The following GTF2H3 variants were observed in gnomAD, a reference collection of about 807,000 sequenced individuals.
The protein encoded by GTF2H3 is general transcription factor IIH subunit 3.
In GTF2H3, 42 loss-of-function variants were observed where a neutral mutation model predicts 51.1. The ratio of observed to expected loss-of-function variants is 0.82; its 90% confidence interval spans 0.64 to 1.06. The LOEUF is 1.06. GTF2H3 is among the 50% of genes least tolerant of loss of function. The pLI, the probability that GTF2H3 is intolerant of heterozygous loss-of-function variation, is 0.00. For synonymous variants in GTF2H3, 123 were observed against 123.8 expected, an observed-to-expected ratio of 0.99 and a Z score of 0.04; for missense variants, 326 against 366.1, an observed-to-expected ratio of 0.89 and a Z score of 0.89.
At chr12:123,639,225 G>A (rs776890344) in intron 1 of GTF2H3, 39 bp from the exon 2 acceptor site, 2 of 956,184 alleles carry the variant, frequency 2.1e-6, no homozygotes, top group South Asian at 2.7e-5. Flanking sequence ...TTTTTATGGA[G>A]CTAATGTTTT....
At chr12:123,643,676 T>G (rs1457034326) in intron 2 of GTF2H3, among the ~76,000 whole-genome samples, 1 of 152,210 alleles carries the variant, frequency 6.6e-6, no homozygotes, top group Non-Finnish European at 1.5e-5. Context: ...TGGACAGTCT[T>G]TTATATTAAA....
At chr12:123,635,067 A>C (rs1342898457) in intron 1 of GTF2H3, among the ~76,000 whole-genome samples, 1 of 152,168 alleles carries the variant, frequency 6.6e-6, no homozygotes, top group Non-Finnish European at 1.5e-5. Flanking sequence ...CAACCCTGTG[A>C]GGGAGGCAGG....
intron 2 of GTF2H3, among the ~76,000 whole-genome samples, chr12:123,639,788 G>T: frequency 6.6e-6 from 1 of 152,192 alleles, no homozygotes; most frequent in Non-Finnish European, 1.5e-5. Flanking sequence ...AGTTCTTTCA[G>T]TGGTGACATT....
chr12:123,641,676 T>C (rs1955376712), intron 2 of GTF2H3, among the ~76,000 whole-genome samples: 2 of 152,096 alleles, frequency 1.3e-5, no homozygotes, highest in African/African-American at 4.8e-5. Flanking sequence ...TTAATATAAT[T>C]ATTAGTGTGG....
intron 1 of GTF2H3, among the ~76,000 whole-genome samples, chr12:123,635,978 A>G: frequency 6.6e-6 from 1 of 152,230 alleles, no homozygotes. Flanking sequence ...AGCAGGCCAT[A>G]TGTGACTTAG....
chr12:123,653,799 C>G (rs10846537), intron 7 of GTF2H3, among the ~76,000 whole-genome samples: 1 of 151,814 alleles, frequency 6.6e-6, no homozygotes, highest in South Asian at 2.1e-4. Flanking sequence ...TGGTAAAAAT[C>G]TTTTCTGGGG....
At chr12:123,648,283 G>T in intron 4 of GTF2H3, 157 bp downstream of exon 4, 2 of 538,660 alleles carry the variant, frequency 3.7e-6, no homozygotes, top group South Asian at 5.4e-5. Flanking sequence ...TATTTGCCTA[G>T]CCTCTACAGC....
rs377473603 is a variant in GTF2H3 at position 123,635,111 on chromosome 12, G to A, written c.13+1239G>A. ...TGCTCCTGTCTACAAATGAGGTAGC[G>A]AACTAAAGAAGGAAATTCACAGGGT... On this transcript the variant is annotated intron_variant, in intron 1 of 12. Transcript: ENST00000543341. Among the ~76,000 whole-genome samples, 9 of 152,264 alleles carry A rather than the reference G, an allele frequency of 5.9e-5. No individual in the cohort carries two copies. In the South Asian group the frequency reaches 1.0e-3, roughly 18 times the overall value.
In GTF2H3 at chr12:123,652,538, A is replaced by G. The variant is rs1955531669; in HGVS notation, c.434A>G (p.His145Arg). ...GSLAKALCYI[H>R]RMNKEVKDNQ... Reference sequence around the variant, plus strand: ...TTAATGTTAAGAAATTAAGACATTCATAGAATGAACAAGGAAGTTAAAGGT... The same window carrying G: ...TTAATGTTAAGAAATTAAGACATTCGTAGAATGAACAAGGAAGTTAAAGGT... Residue 145 changes from histidine (H) to arginine (R), a missense_variant, in exon 6 of 13, where the codon CAT becomes CGT. By Grantham distance (29) the His-to-Arg change is conservative. Coordinates refer to ENST00000543341, the MANE Select transcript of GTF2H3 (RefSeq NM_001516.5). 1.4e-6 allele frequency: 2 copies of G among 1,448,104 alleles called. No individual in the cohort carries two copies. The highest frequency in any genetic ancestry group is 1.3e-5 in the South Asian group (1 of 78,734). The allele number at this position is 1,448,104 out of a possible 1,614,324, so 89.7% of individuals were successfully genotyped here. A position where few individuals can be genotyped will look rare whatever the true frequency, so the allele number is the denominator to read the frequency against.
intron 7 of GTF2H3, among the ~76,000 whole-genome samples, chr12:123,653,043 C>T (rs544947792): frequency 1.3e-4 from 20 of 150,952 alleles, no homozygotes; most frequent in South Asian, 2.1e-4. Flanking sequence ...TGCAGTGAGC[C>T]GAGATCACAC....
At chr12:123,650,313 A>G (rs1955503802) in intron 4 of GTF2H3, 2 of 152,164 alleles carry the variant, frequency 1.3e-5, no homozygotes, top group Admixed American at 6.6e-5. Context: ...TCGAGGAAAG[A>G]GCTTCTCCAG....
At chr12:123,659,684 G>A in intron 10 of GTF2H3, 100 bp downstream of exon 10, 2 of 1,463,330 alleles carry the variant, frequency 1.4e-6, no homozygotes, top group Non-Finnish European at 1.9e-6. Flanking sequence ...TAGTACTCAG[G>A]AGAAGGGAAT....
At chr12:123,652,683 T>C in intron 6 of GTF2H3, 24 bp from the exon 7 acceptor site, 1 of 1,532,958 alleles carries the variant, frequency 6.5e-7, no homozygotes, top group Non-Finnish European at 8.9e-7. Flanking sequence ...AGTTAAATTT[T>C]TTTCTGCTTT....
rs11572978 is a variant in GTF2H3, at chr12:123,654,550, G to GGT, written c.487-363_487-362dup. 8.7e-3 allele frequency among the ~76,000 whole-genome samples: 1,308 copies of GGT among 149,926 alleles called. 26 individuals are homozygous for GGT. Among genetic ancestry groups the GGT allele is most frequent in the African/African-American group, 0.029 (1,185 of 40,768 alleles). ...GTATTTTGGAGTGTGTGTATTTTTG[G>GGT]GTGTGTGTGTGTATTTTGGGGGTGC... is the stretch of plus-strand genomic sequence containing the variant. On this transcript the variant is annotated intron_variant, in intron 7 of 12. Coordinates refer to ENST00000543341, the MANE Select transcript of GTF2H3 (RefSeq NM_001516.5).
rs1204472335 is a variant in GTF2H3, at chr12:123,659,934, AGTTAAT to A, written c.820+7_820+12del. ...GTCTGTTCTGTGTGTTTGTCAAGTAAGTTAATGTACCTAGTTTTTCTTTTTTTTCTA... is the reference window on the plus strand; with the variant it reads ...GTCTGTTCTGTGTGTTTGTCAAGTAAGTACCTAGTTTTTCTTTTTTTTCTA... On this transcript the variant is annotated splice_donor_5th_base_variant and intron_variant, in intron 11 of 12. Transcript: ENST00000543341. 6.2e-7 allele frequency: 1 copy of A among 1,612,452 alleles called. No homozygotes were observed. Among genetic ancestry groups the A allele is most frequent in the Non-Finnish European group, 8.5e-7 (1 of 1,179,674 alleles).
chr12:123,652,641 G>T (rs1285847940), intron 6 of GTF2H3, 66 bp from the exon 7 acceptor site: 5 of 1,526,350 alleles, frequency 3.3e-6, no homozygotes, highest in Non-Finnish European at 4.5e-6. Flanking sequence ...TTTAAAAATT[G>T]GTTAGGAAAC....
chr12:123,660,999 GAA>G lies in GTF2H3; in HGVS notation c.*771_*772del, dbSNP rs150439557. 1.3e-5 allele frequency: 2 copies of G among 151,538 alleles called. No individual in the cohort carries two copies. The highest frequency in any genetic ancestry group is 2.9e-5 in the Non-Finnish European group (2 of 67,882). 9.4% of individuals were successfully genotyped at this position (151,538 alleles called of 1,614,324 possible). On this transcript the variant is annotated 3_prime_UTR_variant, in exon 13 of 13. Transcript: ENST00000543341. Reference sequence around the variant, plus strand: ...TAGAATTCTTTCCTTTTTTAATGAGGAAAAAAAATCCACATTAATATTGAAAC... The same window carrying G: ...TAGAATTCTTTCCTTTTTTAATGAGGAAAAAATCCACATTAATATTGAAAC...
intron 9 of GTF2H3, among the ~76,000 whole-genome samples, chr12:123,657,733 C>G (rs1168930614): frequency 6.6e-6 from 1 of 152,228 alleles, no homozygotes; most frequent in East Asian, 1.9e-4. Context: ...ACTGCTGTAA[C>G]CCTGCACAGT....
intron 1 of GTF2H3, among the ~76,000 whole-genome samples, chr12:123,639,037 T>A (rs536136152): frequency 6.6e-6 from 1 of 151,994 alleles, no homozygotes; most frequent in African/African-American, 2.4e-5. Context: ...CCTCGTGATC[T>A]GCCTGCCTCG....
Sources: gnomAD v4.1 joint callset for allele counts (sites outside exome capture counted in the v4.1 genomes callset) on GRCh38, gnomAD v4.1.1 for gene constraint, MANE v1.5 for transcripts, NCBI Gene and HGNC (gene_info 2026-07-23, HGNC 2026-07-21) for gene names.